The following WDPCP variants were observed in gnomAD, a reference collection of about 807,000 sequenced individuals.
The protein encoded by WDPCP is WD repeat containing planar cell polarity effector.
Under a neutral mutation model 93.1 loss-of-function variants are expected in WDPCP, and 71 were observed. That is an observed-to-expected ratio of 0.76 (90% confidence interval 0.63 to 0.93). The LOEUF is 0.93. WDPCP is among the 40% of genes least tolerant of loss of function. The probability of loss-of-function intolerance (pLI) is 0.00; values close to 1 mark genes in which losing one functional copy is unlikely to be tolerated. For synonymous variants in WDPCP, 315 were observed against 315.0 expected, an observed-to-expected ratio of 1.00 and a Z score of 0.00; for missense variants, 844 against 887.4, an observed-to-expected ratio of 0.95 and a Z score of 0.62.
intron 6 of WDPCP, among the ~76,000 whole-genome samples, chr2:63,449,804 A>G (rs1698111157): frequency 6.6e-6 from 1 of 152,098 alleles, no homozygotes; most frequent in African/African-American, 2.4e-5. Flanking sequence ...GCTGGGCACC[A>G]TTACACAGCT....
intron 3 of WDPCP, 32 bp downstream of exon 3, chr2:63,487,415 T>TA: frequency 6.7e-7 from 1 of 1,502,382 alleles, no homozygotes; most frequent in Non-Finnish European, 9.2e-7. Context: ...ATTTAGTTAA[T>TA]AAAAATTAAT....
At chr2:63,340,098 G>A (rs1451633874) in intron 12 of WDPCP, among the ~76,000 whole-genome samples, 1 of 152,044 alleles carries the variant, frequency 6.6e-6, no homozygotes, top group Non-Finnish European at 1.5e-5. Context: ...TGCATTGAAG[G>A]ATTATTCATT....
chr2:63,682,193 G>A (rs184513500), intron 2 of WDPCP, among the ~76,000 whole-genome samples: 14 of 152,280 alleles, frequency 9.2e-5, no homozygotes, highest in Admixed American at 4.6e-4. Context: ...ACAAAATAAG[G>A]TACCAGGGAC....
intron 2 of WDPCP, among the ~76,000 whole-genome samples, chr2:63,809,619 C>G: frequency 6.6e-6 from 1 of 152,038 alleles, no homozygotes; most frequent in Non-Finnish European, 1.5e-5. Context: ...TACCCCCAAC[C>G]CTGTGCTCTC....
intron 13 of WDPCP, among the ~76,000 whole-genome samples, chr2:63,284,689 G>C (rs1683848757): frequency 6.6e-6 from 1 of 152,194 alleles, no homozygotes; most frequent in African/African-American, 2.4e-5. Context: ...TAGACAAAGG[G>C]ATGATTTTTA....
intron 1 of WDPCP, among the ~76,000 whole-genome samples, chr2:63,542,171 T>C (rs1039054533): frequency 3.9e-5 from 6 of 152,144 alleles, no homozygotes; most frequent in East Asian, 3.9e-4. Flanking sequence ...CTTGAGACTA[T>C]ATGTATTACC....
At chr2:63,208,747 G>T (rs1290165366) in intron 14 of WDPCP, among the ~76,000 whole-genome samples, 1 of 152,124 alleles carries the variant, frequency 6.6e-6, no homozygotes, top group Non-Finnish European at 1.5e-5. Flanking sequence ...CCTACCTTCC[G>T]TGTGTTTCTC....
intron 14 of WDPCP, among the ~76,000 whole-genome samples, chr2:63,175,237 G>T (rs1030912847): frequency 2.0e-5 from 3 of 151,892 alleles, no homozygotes; most frequent in African/African-American, 7.3e-5. Context: ...CCCAATATTT[G>T]CTTTCAATTA....
chr2:63,583,429 A>G (rs1708621506), intron 1 of WDPCP, among the ~76,000 whole-genome samples: 2 of 152,222 alleles, frequency 1.3e-5, no homozygotes, highest in South Asian at 4.1e-4. Flanking sequence ...TCATGCCTGT[A>G]ATCCAAGCAC....
intron 2 of WDPCP, among the ~76,000 whole-genome samples, chr2:63,671,197 C>T (rs537171491): frequency 2.0e-5 from 3 of 152,220 alleles, no homozygotes; most frequent in African/African-American, 7.2e-5. Flanking sequence ...CCTCCAACTA[C>T]ATAGAGTGTA....
intron 15 of WDPCP, among the ~76,000 whole-genome samples, chr2:63,169,359 G>A (rs1411134945): frequency 2.0e-5 from 3 of 152,180 alleles, no homozygotes; most frequent in Non-Finnish European, 4.4e-5. Flanking sequence ...CAGTCACTGA[G>A]TTTTTGAAAA....
At chr2:63,411,373 A>G (rs925415550) in intron 9 of WDPCP, among the ~76,000 whole-genome samples, 1 of 152,182 alleles carries the variant, frequency 6.6e-6, no homozygotes, top group Non-Finnish European at 1.5e-5. Context: ...TCTGGGATAC[A>G]GCAAAGGTGG....
At chr2:63,714,847 A>T (rs1013023485) in intron 2 of WDPCP, among the ~76,000 whole-genome samples, 2 of 152,212 alleles carry the variant, frequency 1.3e-5, no homozygotes, top group Non-Finnish European at 2.9e-5. Flanking sequence ...CAAACAAACA[A>T]CAAATAAATA....
chr2:63,410,435 G>A (rs911303361), intron 9 of WDPCP, among the ~76,000 whole-genome samples: 8 of 152,016 alleles, frequency 5.3e-5, no homozygotes, highest in African/African-American at 4.8e-5. Flanking sequence ...TAAATGACAC[G>A]GGACCTATAA....
chr2:63,311,547 G>A (rs1041173808), intron 13 of WDPCP, among the ~76,000 whole-genome samples: 2 of 152,098 alleles, frequency 1.3e-5, no homozygotes, highest in African/African-American at 4.8e-5. Context: ...AATAATGACT[G>A]TTTGCTTTTG....
At position 63,437,674 on chromosome 2, in the gene WDPCP, T is replaced by G. The variant is rs538179419; in HGVS notation, c.500-120A>C. 8.4e-6 allele frequency: 9 copies of G among 1,069,478 alleles called. No individual in the cohort carries two copies. The South Asian group carries it at 1.4e-4, about 17-fold the overall frequency. The allele number at this position is 1,069,478 out of a possible 1,614,324, so 66.2% of individuals were successfully genotyped here. On this transcript the variant is annotated intron_variant, in intron 7 of 17. Transcript: ENST00000272321. ...ATTAACTGAAATCACTAAAGTCTCT[T>G]GAATATCATTATAGCATTTTATAAA... is the stretch of plus-strand genomic sequence containing the variant.
chr2:63,805,284 T>C (rs778077017), intron 2 of WDPCP, among the ~76,000 whole-genome samples: 1 of 152,186 alleles, frequency 6.6e-6, no homozygotes, highest in East Asian at 1.9e-4. Context: ...TTTAAGATCA[T>C]GGAATTTCAG....
chr2:63,610,765 T>A (rs1167025991), intron 3 of WDPCP, among the ~76,000 whole-genome samples: 1 of 152,212 alleles, frequency 6.6e-6, no homozygotes, highest in Non-Finnish European at 1.5e-5. Flanking sequence ...TTCTGCACTC[T>A]GTGTTTTTCC....
intron 17 of WDPCP, among the ~76,000 whole-genome samples, chr2:63,145,552 A>C (rs1418915905): frequency 6.6e-6 from 1 of 152,072 alleles, no homozygotes. Flanking sequence ...GCCGGCAGTC[A>C]CTGGCCTCAC....
Sources: gnomAD v4.1 joint callset for allele counts (sites outside exome capture counted in the v4.1 genomes callset) on GRCh38, gnomAD v4.1.1 for gene constraint, MANE v1.5 for transcripts, NCBI Gene and HGNC (gene_info 2026-07-23, HGNC 2026-07-21) for gene names.